ATP2A2: variants seen among roughly 807,000 people sequenced by gnomAD.
ATP2A2 encodes sarcoplasmic/endoplasmic reticulum calcium ATPase 2.
Under a neutral mutation model 109.3 loss-of-function variants are expected in ATP2A2, and 14 were observed. The ratio of observed to expected loss-of-function variants is 0.13; its 90% CI spans 0.08 to 0.20. The LOEUF (loss-of-function observed/expected upper bound fraction) is 0.20, where lower values mean the gene tolerates loss of function less well. ATP2A2 is among the 10% of genes least tolerant of loss of function. The probability of loss-of-function intolerance (pLI) is 1.00; values close to 1 mark genes in which losing one functional copy is unlikely to be tolerated. For missense variants in ATP2A2, 657 were observed against 1,321.6 expected (o/e 0.50, Z 7.80); for synonymous variants, 506 against 490.9 (o/e 1.03, Z -0.41).
chr12:110,300,207 C>CTTTT (rs1874453556), intron 5 of ATP2A2, among the ~76,000 whole-genome samples: 1 of 94,056 alleles, frequency 1.1e-5, no homozygotes, highest in African/African-American at 4.3e-5. Context: ...TTTTTTTTAA[C>CTTTT]TTGGAGACAG....
chr12:110,346,858 A>C lies in ATP2A2; in HGVS notation c.*388A>C. ...TGTGTGGTTTTTTTTCTAAAACTAA[A>C]TAGCATGTATTGTGTCTTTTGCATG... is the stretch of plus-strand genomic sequence containing the variant. On this transcript the variant is annotated 3_prime_UTR_variant, in exon 20 of 20. Transcript: ENST00000539276. 8.9e-7 allele frequency: 1 copy of C among 1,121,204 alleles called. No individual in the cohort carries two copies. Among genetic ancestry groups the C allele is most frequent in the Non-Finnish European group, 1.1e-6 (1 of 911,804 alleles). The allele number at this position is 1,121,204 out of a possible 1,614,324, so 69.5% of individuals were successfully genotyped here. A position where few individuals can be genotyped will look rare whatever the true frequency, so the allele number is the denominator to read the frequency against.
chr12:110,303,239 T>A (rs899234778), intron 5 of ATP2A2, among the ~76,000 whole-genome samples: 1 of 152,166 alleles, frequency 6.6e-6, no homozygotes, highest in Non-Finnish European at 1.5e-5. Flanking sequence ...TATTATAATA[T>A]TATACAGACA....
In ATP2A2 at chr12:110,316,884, C is replaced by T. The variant is rs528526478; in HGVS notation, c.464-6108C>T. Among the ~76,000 whole-genome samples, 9 of 152,262 alleles carry T rather than the reference C, an allele frequency of 5.9e-5. No individual in the cohort carries two copies. The South Asian group carries it at 1.9e-3, about 32-fold the overall frequency. On this transcript the variant is annotated intron_variant, in intron 5 of 19. Coordinates refer to ENST00000539276, the MANE Select transcript of ATP2A2 (RefSeq NM_170665.4). Reference sequence around the variant, plus strand: ...GGTGACAGGCAAACAGCACTTGGGTCATGGAGGCTGTTATAAGCCCGGGTT... The same window carrying T: ...GGTGACAGGCAAACAGCACTTGGGTTATGGAGGCTGTTATAAGCCCGGGTT...
chr12:110,317,736 G>A (rs951373747), intron 5 of ATP2A2, among the ~76,000 whole-genome samples: 2 of 152,184 alleles, frequency 1.3e-5, no homozygotes, highest in Non-Finnish European at 2.9e-5. Context: ...TACAAATAAT[G>A]TTTCAGTATC....
intron 5 of ATP2A2, among the ~76,000 whole-genome samples, chr12:110,318,181 A>G (rs1172999322): frequency 6.6e-6 from 1 of 152,170 alleles, no homozygotes; most frequent in Non-Finnish European, 1.5e-5. Flanking sequence ...TCTCCAGACA[A>G]AGGGAAATTG....
chr12:110,289,968 A>G (rs1248009650), intron 3 of ATP2A2, among the ~76,000 whole-genome samples: 1 of 152,190 alleles, frequency 6.6e-6, no homozygotes, highest in Non-Finnish European at 1.5e-5. Context: ...TTTAAATCTT[A>G]ACAAGTTTAT....
chr12:110,345,419 G>T (rs1465626714), intron 18 of ATP2A2, 37 bp downstream of exon 18: 12 of 1,613,848 alleles, frequency 7.4e-6, no homozygotes, highest in Non-Finnish European at 1.0e-5. Flanking sequence ...GGCGAGCATG[G>T]TGACTGCCAG....
At chr12:110,319,319 C>T (rs1435788709) in intron 5 of ATP2A2, among the ~76,000 whole-genome samples, 4 of 149,030 alleles carry the variant, frequency 2.7e-5, no homozygotes, top group African/African-American at 4.9e-5. Flanking sequence ...CTCCAGATAA[C>T]TCTTCTTGTC....
At chr12:110,333,834 C>T (rs528882475) in intron 10 of ATP2A2, among the ~76,000 whole-genome samples, 178 bp from the exon 11 acceptor site, 2 of 152,230 alleles carry the variant, frequency 1.3e-5, no homozygotes, top group South Asian at 4.1e-4. Flanking sequence ...CACATGCACA[C>T]CTGTACTTTG....
In ATP2A2 at chr12:110,346,362, C is replaced by T. The variant is rs768024998; in HGVS notation, c.3021C>T (p.Phe1007=). Residue 1007 remains phenylalanine (F), a synonymous_variant, in exon 20 of 20, where the codon TTC becomes TTT. Coordinates refer to ENST00000539276, the MANE Select transcript of ATP2A2 (RefSeq NM_170665.4). ...AGCCTGCCACCAAATCCTGCTCGTTCTCGGCATGCACCGATGGGATTTCCT... is the reference window on the plus strand; with the variant it reads ...AGCCTGCCACCAAATCCTGCTCGTTTTCGGCATGCACCGATGGGATTTCCT... ...CVQPATKSCS[F]SACTDGISWP... 9.3e-6 allele frequency: 15 copies of T among 1,614,034 alleles called. No individual in the cohort carries two copies. The highest frequency in any genetic ancestry group is 1.2e-5 in the Non-Finnish European group (14 of 1,180,012).
In ATP2A2 at chr12:110,292,108, T is replaced by G; in HGVS notation, c.308T>G (p.Ile103Ser). 6.2e-7 allele frequency: 1 copy of G among 1,614,070 alleles called. No homozygotes were observed. The highest frequency in any genetic ancestry group is 8.5e-7 in the Non-Finnish European group (1 of 1,179,944). ...TTACTCATATTAGTAGCCAATGCAA[T>G]TGTGGGTGTATGGCAGGTAAGCAAA... ...VILLILVANA[I>S]VGVWQERNAE... Residue 103 changes from isoleucine (I) to serine (S), a missense_variant, in exon 4 of 20, where the codon ATT becomes AGT. Transcript: ENST00000539276.
intron 1 of ATP2A2, 110 bp downstream of exon 1, chr12:110,282,017 G>C: frequency 1.2e-6 from 1 of 836,672 alleles, no homozygotes; most frequent in South Asian, 2.0e-5. Context: ...GCCGACAGCT[G>C]CGGGCGGAGG....
chr12:110,338,907 C>A (rs752100928), intron 11 of ATP2A2, among the ~76,000 whole-genome samples: 1 of 152,194 alleles, frequency 6.6e-6, no homozygotes, highest in Non-Finnish European at 1.5e-5. Flanking sequence ...CCAGGACTTG[C>A]CAGGTTGCAC....
rs986813981 is a variant in ATP2A2 at position 110,291,844 on chromosome 12, C to T, written c.220-176C>T. Among the ~76,000 whole-genome samples the T allele has an allele frequency of 1.1e-4, 16 of 152,010 alleles. 1 individual carries two copies. The highest frequency in any genetic ancestry group is 1.3e-4 in the Admixed American group (2 of 15,256). On this transcript the variant is annotated intron_variant, in intron 3 of 19. Transcript: ENST00000539276. The stretch of plus-strand genomic sequence containing the variant: ...TGTATTTTTAGTAGAGATGGGGTTT[C>T]GCCATGTTGGGCAGGTTGGTCTGGA...
chr12:110,326,407 A>G lies in ATP2A2; in HGVS notation c.562A>G (p.Ile188Val), dbSNP rs767026097. The change falls in exon 7 of 20, where the codon ATC (isoleucine) becomes GTC (valine). Residue 188 changes from isoleucine (I) to valine (V), a missense_variant. Coordinates refer to ENST00000539276, the MANE Select transcript of ATP2A2 (RefSeq NM_170665.4). ...SILTGESVSV[I>V]KHTDPVPDPR... ...CCGCTTAGGTGAATCTGTCTCTGTC[A>G]TCAAGCACACTGATCCCGTCCCTGA... is the stretch of plus-strand genomic sequence containing the variant. 2 of 1,614,090 alleles carry G rather than the reference A, an allele frequency of 1.2e-6. No homozygotes were observed. The highest frequency in any genetic ancestry group is 1.1e-5 in the South Asian group (1 of 91,038).
intron 11 of ATP2A2, among the ~76,000 whole-genome samples, chr12:110,337,444 C>T (rs774436134): frequency 2.6e-5 from 4 of 152,178 alleles, no homozygotes; most frequent in Non-Finnish European, 5.9e-5. Flanking sequence ...GTGCCATTGG[C>T]GCAAATGCTT....
In ATP2A2 at chr12:110,346,649, TAC is replaced by T; in HGVS notation, c.*183_*184del. On this transcript the variant is annotated 3_prime_UTR_variant, in exon 20 of 20. Transcript: ENST00000539276. Reference sequence around the variant, plus strand: ...AGTGGGGCAAGATTTTCCTTTTTTATACACATAATTAAAGTGTCCATTGACAT... The same window carrying T: ...AGTGGGGCAAGATTTTCCTTTTTTATACATAATTAAAGTGTCCATTGACAT... 6.9e-7 allele frequency: 1 copy of T among 1,459,684 alleles called. No homozygotes were observed. Among genetic ancestry groups the T allele is most frequent in the Non-Finnish European group, 9.0e-7 (1 of 1,115,768 alleles). 90.4% of individuals were successfully genotyped at this position (1,459,684 alleles called of 1,614,324 possible). A position where few individuals can be genotyped will look rare whatever the true frequency, so the allele number is the denominator to read the frequency against.
At position 110,347,583 on chromosome 12, in the gene ATP2A2, T is replaced by G; in HGVS notation, c.*1113T>G. The G allele has an allele frequency of 5.6e-6, 7 of 1,247,112 alleles. No individual in the cohort carries two copies. The highest frequency in any genetic ancestry group is 7.3e-6 in the Non-Finnish European group (7 of 965,160). The allele number at this position is 1,247,112 out of a possible 1,614,324, so 77.3% of individuals were successfully genotyped here. A position where few individuals can be genotyped will look rare whatever the true frequency, so the allele number is the denominator to read the frequency against. ...GCAAGTGTGTATGTGTGTGTATGTG[T>G]GTGTTTTGTAAAATCTGTAAATAGC... On this transcript the variant is annotated 3_prime_UTR_variant, in exon 20 of 20. Transcript: ENST00000539276.
At position 110,344,896 on chromosome 12, in the gene ATP2A2, C is replaced by T. The variant is rs755978643; in HGVS notation, c.2532C>T (p.Gly844=). 1.1e-5 allele frequency: 18 copies of T among 1,614,038 alleles called. No homozygotes were observed. The highest frequency in any genetic ancestry group is 5.3e-5 in the African/African-American group (4 of 74,916). The change falls in exon 17 of 20, where the codon GGC becomes GGT. Residue 844 remains glycine (G), a synonymous_variant. Coordinates refer to ENST00000539276, the MANE Select transcript of ATP2A2 (RefSeq NM_170665.4). ...FRYLAIGCYV[G]AATVGAAAWW... ...TGTGTTTGTTCCCAGGTTACGTCGG[C>T]GCTGCTACCGTGGGTGCTGCTGCAT...
Sources: gnomAD v4.1 joint callset for allele counts (sites outside exome capture counted in the v4.1 genomes callset) on GRCh38, gnomAD v4.1.1 for gene constraint, MANE v1.5 for transcripts, NCBI Gene and HGNC (gene_info 2026-07-23, HGNC 2026-07-21) for gene names.